The following DENND1A variants were observed in gnomAD, a reference collection of about 807,000 sequenced individuals.
DENND1A encodes the protein DENN domain containing 1A, also known as DENN domain-containing protein 1A.
DENND1A carries 51 observed loss-of-function variants against 113.7 expected under a neutral mutation model. The observed-to-expected ratio is 0.45, with a 90% CI of 0.36 to 0.57. DENND1A has a LOEUF of 0.57. Among genes scored for constraint, DENND1A ranks in the 20% least tolerant of loss-of-function variants. DENND1A has a pLI of 0.00. For missense variants in DENND1A, 1,258 were observed against 1,395.9 expected (o/e 0.90, Z 1.57); for synonymous variants, 565 against 570.8 (o/e 0.99, Z 0.14).
chr9:123,635,220 C>T (rs2061645984), intron 9 of DENND1A, among the ~76,000 whole-genome samples: 1 of 152,186 alleles, frequency 6.6e-6, no homozygotes, highest in South Asian at 2.1e-4. Flanking sequence ...CCTCCAAAGA[C>T]AAAACCACAA....
chr9:123,508,748 T>C (rs140780760), intron 13 of DENND1A, among the ~76,000 whole-genome samples: 5 of 152,308 alleles, frequency 3.3e-5, no homozygotes, highest in South Asian at 2.1e-4. Flanking sequence ...GAAGTGTTAA[T>C]TGTATCTAAA....
chr9:123,897,204 G>C (rs1009714099), intron 1 of DENND1A, among the ~76,000 whole-genome samples: 4 of 152,216 alleles, frequency 2.6e-5, no homozygotes, highest in Non-Finnish European at 4.4e-5. Context: ...TAGAGTAGCA[G>C]ATGAAATGGG....
At chr9:123,879,121 G>T in intron 1 of DENND1A, 100 bp from the exon 2 acceptor site, 1 of 1,176,690 alleles carries the variant, frequency 8.5e-7, no homozygotes, top group Non-Finnish European at 1.2e-6. Context: ...GAAATCATTA[G>T]CTCACAACTT....
rs749420255 is a variant in DENND1A, at chr9:123,607,514, CACACACAGAG to C, written c.765+1912_765+1921del. Among the ~76,000 whole-genome samples, 415 of 92,860 alleles carry C rather than the reference CACACACAGAG, an allele frequency of 4.5e-3. 1 individual carries two copies. The highest frequency in any genetic ancestry group is 0.012 in the African/African-American group (251 of 21,594). The allele number at this position is 92,860 out of a possible 152,430, so 60.9% of individuals were successfully genotyped here. ...ACACACACACACACACACACACACACACACACAGAGAGAGAGAGAGAGAGAGAGAGAGAGT... is the reference window on the plus strand; with the variant it reads ...ACACACACACACACACACACACACACAGAGAGAGAGAGAGAGAGAGAGAGT... On this transcript the variant is annotated intron_variant, in intron 11 of 23. Coordinates refer to ENST00000394215, the MANE Select transcript of DENND1A (RefSeq NM_001352964.2).
intron 13 of DENND1A, among the ~76,000 whole-genome samples, chr9:123,496,650 T>C (rs2051943314): frequency 6.6e-6 from 1 of 152,244 alleles, no homozygotes; most frequent in African/African-American, 2.4e-5. Flanking sequence ...TCTTCAAATC[T>C]GCAGATCTGC....
intron 12 of DENND1A, among the ~76,000 whole-genome samples, chr9:123,564,811 G>A (rs1055598303): frequency 6.6e-6 from 1 of 152,146 alleles, no homozygotes; most frequent in Non-Finnish European, 1.5e-5. Flanking sequence ...GCCCTAGGTT[G>A]ACTACTACTC....
intron 21 of DENND1A, among the ~76,000 whole-genome samples, chr9:123,391,095 G>C (rs1471475660): frequency 1.3e-5 from 2 of 152,268 alleles, no homozygotes; most frequent in Non-Finnish European, 1.5e-5. Flanking sequence ...GGTGGAGGGG[G>C]CTGGGGGCTT....
intron 2 of DENND1A, among the ~76,000 whole-genome samples, chr9:123,823,563 GAGA>G (rs2132647884): frequency 6.6e-6 from 1 of 152,300 alleles, no homozygotes; most frequent in Non-Finnish European, 1.5e-5. Flanking sequence ...GGAAGCCCCT[GAGA>G]AGCTTTAAGC....
intron 13 of DENND1A, among the ~76,000 whole-genome samples, chr9:123,527,166 A>C (rs1480832937): frequency 6.6e-6 from 1 of 151,584 alleles, no homozygotes; most frequent in African/African-American, 2.4e-5. Context: ...AAGCCCATCC[A>C]TTTCTCTCCA....
rs918753086 is a variant in DENND1A at position 123,548,546 on chromosome 9, C to T, written c.993+9024G>A. On this transcript the variant is annotated intron_variant, in intron 13 of 23. Coordinates refer to ENST00000394215, the MANE Select transcript of DENND1A (RefSeq NM_001352964.2). ...TTAAACGTAGAATTACCAGATGACC[C>T]ACAACTGCGCTTTTAGGTATATAGC... Among the ~76,000 whole-genome samples, 5 of 152,186 alleles carry T rather than the reference C, an allele frequency of 3.3e-5. No homozygotes were observed. In the East Asian group the frequency reaches 7.7e-4, roughly 23 times the overall value.
At position 123,643,635 on chromosome 9, in the gene DENND1A, C is replaced by T. The variant is rs114599101; in HGVS notation, c.618+8378G>A. 1.4e-3 allele frequency among the ~76,000 whole-genome samples: 207 copies of T among 152,328 alleles called. 1 individual carries two copies. Among genetic ancestry groups the T allele is most frequent in the African/African-American group, 4.8e-3 (200 of 41,572 alleles). Reference sequence around the variant, plus strand: ...AAACCACAGTGAGTTACAGAAGATACGCCCCAGGGCTCCACCAAGGCCGCA... The same window carrying T: ...AAACCACAGTGAGTTACAGAAGATATGCCCCAGGGCTCCACCAAGGCCGCA... On this transcript the variant is annotated intron_variant, in intron 9 of 23. Coordinates refer to ENST00000394215, the MANE Select transcript of DENND1A (RefSeq NM_001352964.2).
At chr9:123,495,141 T>TCTCTCTC (rs2051763656) in intron 13 of DENND1A, among the ~76,000 whole-genome samples, 19 of 140,542 alleles carry the variant, frequency 1.4e-4, no homozygotes, top group African/African-American at 5.4e-4. Context: ...CATTGTCTCT[T>TCTCTCTC]TCTCTCTCTC....
At chr9:123,506,923 C>G (rs184455486) in intron 13 of DENND1A, among the ~76,000 whole-genome samples, 3 of 152,190 alleles carry the variant, frequency 2.0e-5, no homozygotes, top group African/African-American at 7.2e-5. Flanking sequence ...AGTGGCTTAA[C>G]GCCTATAATC....
intron 19 of DENND1A, among the ~76,000 whole-genome samples, chr9:123,430,149 C>T (rs926636173): frequency 5.3e-5 from 8 of 152,206 alleles, no homozygotes; most frequent in African/African-American, 1.7e-4. Context: ...TACCATCTCA[C>T]ACCAGTCAGA....
chr9:123,654,479 C>A (rs1161172150), intron 8 of DENND1A, among the ~76,000 whole-genome samples: 1 of 152,068 alleles, frequency 6.6e-6, no homozygotes, highest in African/African-American at 2.4e-5. Flanking sequence ...GAGACAAATC[C>A]TGCGCCTTAT....
At chr9:123,610,239 T>C (rs1369274312) in intron 10 of DENND1A, among the ~76,000 whole-genome samples, 3 of 152,234 alleles carry the variant, frequency 2.0e-5, no homozygotes, top group East Asian at 1.9e-4. Flanking sequence ...TATGTGTGTG[T>C]GTGTATACAT....
chr9:123,419,877 G>C (rs752188457), intron 19 of DENND1A, among the ~76,000 whole-genome samples: 3 of 152,140 alleles, frequency 2.0e-5, no homozygotes, highest in Non-Finnish European at 2.9e-5. Context: ...TGCTGCTTGC[G>C]GGGGAGGATC....
chr9:123,778,604 C>T (rs185296920), intron 3 of DENND1A, among the ~76,000 whole-genome samples: 1 of 152,276 alleles, frequency 6.6e-6, no homozygotes, highest in Non-Finnish European at 1.5e-5. Flanking sequence ...ATATTTTAGG[C>T]TTTGCGGGCC....
At chr9:123,877,183 C>T (rs1189321446) in intron 2 of DENND1A, among the ~76,000 whole-genome samples, 2 of 152,162 alleles carry the variant, frequency 1.3e-5, no homozygotes, top group African/African-American at 2.4e-5. Flanking sequence ...AACCCCTAAA[C>T]TTATACTAAT....
Sources: allele counts gnomAD v4.1 joint callset (sites outside exome capture counted in the v4.1 genomes callset), GRCh38; gene constraint gnomAD v4.1.1; transcripts MANE v1.5; gene names NCBI Gene and HGNC (gene_info 2026-07-23, HGNC 2026-07-21).